The following THSD7B variants were observed in gnomAD, a reference collection of about 807,000 sequenced individuals.
THSD7B encodes the protein thrombospondin type 1 domain containing 7B, also known as thrombospondin type-1 domain-containing protein 7B.
A neutral mutation model predicts 213.6 loss-of-function variants in THSD7B; 138 were observed. That is an observed-to-expected ratio of 0.65 (90% CI 0.56 to 0.74). The LOEUF is 0.74. Among genes scored for constraint, THSD7B ranks in the 30% least tolerant of loss-of-function variants. The pLI is 0.00. For missense variants in THSD7B, 1,931 were observed against 1,991.5 expected (o/e 0.97, Z 0.58); for synonymous variants, 742 against 687.0 (o/e 1.08, Z -1.25).
intron 3 of THSD7B, among the ~76,000 whole-genome samples, chr2:137,085,974 CTGTT>C (rs1414964241): frequency 3.3e-5 from 5 of 152,188 alleles, no homozygotes; most frequent in Non-Finnish European, 5.9e-5. Context: ...TTCTGTATGT[CTGTT>C]GTCAACATCT....
intron 7 of THSD7B, among the ~76,000 whole-genome samples, chr2:137,206,015 A>C (rs1364316896): frequency 1.3e-5 from 2 of 151,116 alleles, no homozygotes; most frequent in African/African-American, 4.9e-5. Context: ...TTCTGACAAA[A>C]AAATAGTTTA....
chr2:136,811,618 C>T (rs991153572), intron 1 of THSD7B, among the ~76,000 whole-genome samples: 4 of 152,156 alleles, frequency 2.6e-5, no homozygotes, highest in Non-Finnish European at 5.9e-5. Context: ...GCATGATGGT[C>T]ATACACTAGG....
intron 7 of THSD7B, among the ~76,000 whole-genome samples, chr2:137,209,541 T>C (rs1161133992): frequency 6.6e-6 from 1 of 152,070 alleles, no homozygotes; most frequent in Non-Finnish European, 1.5e-5. Context: ...GATTTATTTT[T>C]TAAAGTCTGG....
intron 15 of THSD7B, among the ~76,000 whole-genome samples, chr2:137,484,283 T>A (rs2105110264): frequency 6.6e-6 from 1 of 150,584 alleles, no homozygotes; most frequent in East Asian, 2.0e-4. Flanking sequence ...TGGTTTTTTG[T>A]TCTTGCGATA....
At chr2:137,298,387 G>A (rs879643240) in intron 12 of THSD7B, among the ~76,000 whole-genome samples, 2 of 152,118 alleles carry the variant, frequency 1.3e-5, no homozygotes, top group African/African-American at 4.8e-5. Flanking sequence ...GAGCATGAAA[G>A]TTCAGAAAAT....
Position 136,822,245 on chromosome 2 carries a change from C to T in THSD7B, c.-36+56558C>T, listed in dbSNP as rs373324016. On this transcript the variant is annotated intron_variant, in intron 1 of 27. Transcript: ENST00000409968. ...AGGGACTATGCCTCTGAGACCCCAT[C>T]CAGACCGGCCTCCACCAAACCCACT... Among the ~76,000 whole-genome samples, 30 of 152,302 alleles carry T rather than the reference C, an allele frequency of 2.0e-4. 1 individual carries two copies. The highest frequency in any genetic ancestry group is 1.2e-3 in the Admixed American group (19 of 15,292).
chr2:137,086,736 G>T (rs749116548), intron 3 of THSD7B, among the ~76,000 whole-genome samples: 17 of 152,132 alleles, frequency 1.1e-4, no homozygotes, highest in Non-Finnish European at 2.4e-4. Flanking sequence ...TGATGTGAGA[G>T]GAACATAAAG....
At chr2:137,497,766 A>C (rs183219310) in intron 15 of THSD7B, among the ~76,000 whole-genome samples, 1 of 152,316 alleles carries the variant, frequency 6.6e-6, no homozygotes, top group East Asian at 1.9e-4. Flanking sequence ...ATGAAATAAA[A>C]GCATTATTAA....
intron 7 of THSD7B, among the ~76,000 whole-genome samples, chr2:137,191,448 G>T (rs1421220073): frequency 6.6e-6 from 1 of 151,970 alleles, no homozygotes; most frequent in Non-Finnish European, 1.5e-5. Context: ...GGGATGAGGG[G>T]TTGCCTTTCT....
intron 15 of THSD7B, among the ~76,000 whole-genome samples, chr2:137,527,427 C>A (rs898711080): frequency 1.3e-5 from 2 of 152,072 alleles, no homozygotes; most frequent in African/African-American, 4.8e-5. Flanking sequence ...TCACCTAATT[C>A]ATCAATGAGT....
chr2:136,865,992 T>C (rs1683325594), intron 1 of THSD7B, among the ~76,000 whole-genome samples: 3 of 152,178 alleles, frequency 2.0e-5, no homozygotes, highest in Admixed American at 6.5e-5. Context: ...ACATATTGTG[T>C]TACCTATTGT....
chr2:137,318,818 G>C (rs1168534723), intron 12 of THSD7B, among the ~76,000 whole-genome samples: 1 of 106,692 alleles, frequency 9.4e-6, no homozygotes, highest in Non-Finnish European at 1.8e-5. Context: ...TTTTGAGATG[G>C]AGTCTCACTC....
intron 2 of THSD7B, among the ~76,000 whole-genome samples, chr2:136,884,629 T>C (rs1272035090): frequency 2.0e-5 from 3 of 152,206 alleles, no homozygotes; most frequent in African/African-American, 7.2e-5. Context: ...CATGTATGTA[T>C]ACACACATAT....
intron 12 of THSD7B, among the ~76,000 whole-genome samples, chr2:137,364,613 C>T (rs1203973379): frequency 6.6e-6 from 1 of 152,056 alleles, no homozygotes; most frequent in Non-Finnish European, 1.5e-5. Flanking sequence ...AACAGAGAGC[C>T]AAATCATGAG....
rs1553437359 is a variant in THSD7B, at chr2:137,303,718, A to ATATATATTTATATATATATTTT, written c.2500+27699_2500+27700insTTATATATATATTTTTATATAT. Among the ~76,000 whole-genome samples the ATATATATTTATATATATATTTT allele has an allele frequency of 7.9e-5, 9 of 114,460 alleles. 1 individual carries two copies. Among genetic ancestry groups the ATATATATTTATATATATATTTT allele is most frequent in the African/African-American group, 2.8e-4 (8 of 28,864 alleles). The allele number at this position is 114,460 out of a possible 152,430, so 75.1% of individuals were successfully genotyped here. The stretch of plus-strand genomic sequence containing the variant: ...TTTATATATATTTATATATATATTT[A>ATATATATTTATATATATATTTT]TATATATATTTATATATATATTTAT... On this transcript the variant is annotated intron_variant, in intron 12 of 27. Coordinates refer to ENST00000409968, the MANE Select transcript of THSD7B (RefSeq NM_001316349.2).
At chr2:137,055,808 T>G (rs773407894) in intron 2 of THSD7B, among the ~76,000 whole-genome samples, 9 of 152,222 alleles carry the variant, frequency 5.9e-5, no homozygotes, top group Non-Finnish European at 1.2e-4. Context: ...ATTGTTATTT[T>G]CATGCAATTC....
chr2:136,937,074 C>G (rs922638891), intron 2 of THSD7B, among the ~76,000 whole-genome samples: 30 of 152,056 alleles, frequency 2.0e-4, no homozygotes, highest in African/African-American at 7.2e-4. Flanking sequence ...GAATTTTCAG[C>G]ACCGTAACAA....
intron 2 of THSD7B, among the ~76,000 whole-genome samples, chr2:137,006,979 A>G (rs1289830401): frequency 6.6e-6 from 1 of 152,232 alleles, no homozygotes; most frequent in African/African-American, 2.4e-5. Context: ...TGTGCATTTT[A>G]CTGAAATCAG....
chr2:136,870,779 G>A (rs188502908), intron 1 of THSD7B, among the ~76,000 whole-genome samples: 2 of 152,210 alleles, frequency 1.3e-5, no homozygotes, highest in Admixed American at 6.5e-5. Flanking sequence ...AAGGAGAAGA[G>A]GTAAAGTTCA....
Sources: allele counts gnomAD v4.1 joint callset (sites outside exome capture counted in the v4.1 genomes callset), GRCh38; gene constraint gnomAD v4.1.1; transcripts MANE v1.5; gene names NCBI Gene and HGNC (gene_info 2026-07-23, HGNC 2026-07-21).